The following PLEKHH2 variants were observed in gnomAD, a reference collection of about 807,000 sequenced individuals.
PLEKHH2 encodes pleckstrin homology, MyTH4 and FERM domain containing H2.
In PLEKHH2, 129 loss-of-function variants were observed where a neutral mutation model predicts 187.9. The ratio of observed to expected loss-of-function variants is 0.69; its 90% confidence interval spans 0.59 to 0.79. The LOEUF is 0.79. PLEKHH2 is among the 30% of genes least tolerant of loss of function. PLEKHH2 has a pLI of 0.00. For missense variants in PLEKHH2, 2,076 were observed against 1,751.2 expected, an observed-to-expected ratio of 1.19 and a Z score of -3.31; for synonymous variants, 686 against 605.6, an observed-to-expected ratio of 1.13 and a Z score of -1.95.
intron 18 of PLEKHH2, 49 bp downstream of exon 18, chr2:43,729,794 C>T: frequency 1.5e-6 from 2 of 1,308,982 alleles, no homozygotes; most frequent in South Asian, 1.5e-5. Context: ...TGAAATGGAC[C>T]TCAACCCGCT....
intron 2 of PLEKHH2, among the ~76,000 whole-genome samples, chr2:43,655,275 G>A (rs1186150565): frequency 1.3e-5 from 2 of 151,990 alleles, no homozygotes; most frequent in Non-Finnish European, 2.9e-5. Context: ...GGAAATGTTG[G>A]GGATAATTAA....
intron 2 of PLEKHH2, among the ~76,000 whole-genome samples, chr2:43,660,117 C>T (rs1250498530): frequency 2.0e-5 from 3 of 152,176 alleles, no homozygotes; most frequent in Non-Finnish European, 4.4e-5. Flanking sequence ...TATTTTAGAG[C>T]ATCATATAGT....
At chr2:43,730,521 C>G (rs1489194589) in intron 18 of PLEKHH2, among the ~76,000 whole-genome samples, 6 of 152,206 alleles carry the variant, frequency 3.9e-5, no homozygotes, top group Admixed American at 3.9e-4. Flanking sequence ...GCCTCAGCCT[C>G]CTGAGTAGCT....
At chr2:43,710,612 T>A in intron 14 of PLEKHH2, 37 bp downstream of exon 14, 1 of 1,462,670 alleles carries the variant, frequency 6.8e-7, no homozygotes, top group Non-Finnish European at 9.2e-7. Context: ...TTTTTTTGTA[T>A]CATGCCAGAC....
intron 2 of PLEKHH2, among the ~76,000 whole-genome samples, 169 bp from the exon 3 acceptor site, chr2:43,678,694 A>T (rs1473856909): frequency 6.6e-6 from 1 of 150,604 alleles, no homozygotes; most frequent in African/African-American, 2.4e-5. Flanking sequence ...TCAGAGGGAG[A>T]CCATGGAAAG....
At chr2:43,652,026 T>C (rs1411269505) in intron 2 of PLEKHH2, among the ~76,000 whole-genome samples, 1 of 152,208 alleles carries the variant, frequency 6.6e-6, no homozygotes, top group African/African-American at 2.4e-5. Flanking sequence ...TATGTATAAA[T>C]GGTCAGTTGC....
At chr2:43,753,482 T>A in intron 24 of PLEKHH2, 137 bp from the exon 25 acceptor site, 1 of 568,168 alleles carries the variant, frequency 1.8e-6, no homozygotes, top group Non-Finnish European at 2.8e-6. Flanking sequence ...ACAGAAGTCA[T>A]TGACAGTAGT....
intron 7 of PLEKHH2, among the ~76,000 whole-genome samples, chr2:43,698,251 C>CTT (rs34391523): frequency 0.042 from 6,060 of 143,896 alleles, 174 homozygotes; most frequent in Middle Eastern, 0.064. Flanking sequence ...TTCTCTCTCT[C>CTT]TTTTTTTTTT....
intron 14 of PLEKHH2, chr2:43,711,948 GA>G: frequency 8.8e-7 from 1 of 1,135,786 alleles, no homozygotes. Flanking sequence ...GCAAGAAAGG[GA>G]AAATGTGACA....
chr2:43,729,761 T>C lies in PLEKHH2; in HGVS notation c.2830+16T>C. The C allele has an allele frequency of 1.3e-6, 2 of 1,538,836 alleles. No homozygotes were observed. The highest frequency in any genetic ancestry group is 1.8e-6 in the Non-Finnish European group (2 of 1,130,150). On this transcript the variant is annotated intron_variant, in intron 18 of 29. Transcript: ENST00000282406. ...GGGGAGCCTTGTAAGTTCATAAACA[T>C]ATAAATAAAGCTTTATGGTTAATGA...
intron 21 of PLEKHH2, among the ~76,000 whole-genome samples, chr2:43,742,414 C>T (rs1316928908): frequency 2.6e-5 from 4 of 151,954 alleles, no homozygotes; most frequent in Non-Finnish European, 2.9e-5. Context: ...TACTATTCTT[C>T]ATGCAATTGC....
intron 26 of PLEKHH2, among the ~76,000 whole-genome samples, chr2:43,758,346 G>T: frequency 6.6e-6 from 1 of 152,034 alleles, no homozygotes; most frequent in Non-Finnish European, 1.5e-5. Context: ...TCCACCTCCC[G>T]GGTTCAAGTG....
chr2:43,702,297 T>G (rs1296994732), intron 8 of PLEKHH2, among the ~76,000 whole-genome samples: 2 of 152,196 alleles, frequency 1.3e-5, no homozygotes, highest in Non-Finnish European at 2.9e-5. Flanking sequence ...CTTATTTGCT[T>G]TCAAGAGGAC....
In PLEKHH2 at chr2:43,726,092, C is replaced by T. The variant is rs557787443; in HGVS notation, c.2542-180C>T. ...TACTGATTGCGCCACTGCACTCCAG[C>T]CTGGGAGACAGAGGGAGACCCAACC... is the stretch of plus-strand genomic sequence containing the variant. On this transcript the variant is annotated intron_variant, in intron 16 of 29. Coordinates refer to ENST00000282406, the MANE Select transcript of PLEKHH2 (RefSeq NM_172069.4). 3.5e-3 allele frequency among the ~76,000 whole-genome samples: 506 copies of T among 144,174 alleles called. 1 individual carries two copies. Among genetic ancestry groups the T allele is most frequent in the Non-Finnish European group, 4.1e-3 (277 of 66,948 alleles). 94.6% of individuals were successfully genotyped at this position (144,174 alleles called of 152,430 possible).
chr2:43,764,208 A>T lies in PLEKHH2; in HGVS notation c.4159-20A>T. Reference sequence around the variant, plus strand: ...GGAAGTAAGAGCATATAACATATATACTTTTTCTTATCTTTAAAGAGGTTA... The same window carrying T: ...GGAAGTAAGAGCATATAACATATATTCTTTTTCTTATCTTTAAAGAGGTTA... On this transcript the variant is annotated intron_variant, in intron 28 of 29. Coordinates refer to ENST00000282406, the MANE Select transcript of PLEKHH2 (RefSeq NM_172069.4). 7.3e-7 allele frequency: 1 copy of T among 1,363,734 alleles called. No homozygotes were observed. The highest frequency in any genetic ancestry group is 9.7e-7 in the Non-Finnish European group (1 of 1,027,554). The allele number at this position is 1,363,734 out of a possible 1,614,324, so 84.5% of individuals were successfully genotyped here.
intron 3 of PLEKHH2, among the ~76,000 whole-genome samples, chr2:43,687,647 T>C (rs79492414): frequency 0.16 from 23,664 of 152,152 alleles, 1,917 homozygotes; most frequent in Middle Eastern, 0.23. Context: ...ATTGCCAGCA[T>C]CTGTTATTTT....
chr2:43,689,863 T>C (rs1289682934), intron 3 of PLEKHH2, among the ~76,000 whole-genome samples: 1 of 152,216 alleles, frequency 6.6e-6, no homozygotes, highest in Non-Finnish European at 1.5e-5. Context: ...AAAAGAGTAG[T>C]TCCAAACCAT....
At position 43,747,897 on chromosome 2, in the gene PLEKHH2, G is replaced by A. The variant is rs115732670; in HGVS notation, c.3653+1934G>A. Among the ~76,000 whole-genome samples the A allele has an allele frequency of 6.0e-3, 915 of 152,324 alleles. 5 individuals are homozygous for A. The highest frequency in any genetic ancestry group is 0.01 in the Non-Finnish European group (712 of 68,020). On this transcript the variant is annotated intron_variant, in intron 24 of 29. Coordinates refer to ENST00000282406, the MANE Select transcript of PLEKHH2 (RefSeq NM_172069.4). ...ATTTTGATCCACTTTAAAATTTCTT[G>A]TTCTAATAGTCTATCCCACAGAAAT... is the stretch of plus-strand genomic sequence containing the variant.
intron 19 of PLEKHH2, among the ~76,000 whole-genome samples, chr2:43,735,754 C>A (rs924225913): frequency 6.6e-6 from 1 of 151,976 alleles, no homozygotes; most frequent in Non-Finnish European, 1.5e-5. Context: ...TAAATTATGA[C>A]TGAAAGGGAT....
Sources: allele counts gnomAD v4.1 joint callset (sites outside exome capture counted in the v4.1 genomes callset), GRCh38; gene constraint gnomAD v4.1.1; transcripts MANE v1.5; gene names NCBI Gene and HGNC (gene_info 2026-07-23, HGNC 2026-07-21).